Variants in GIPC2 observed in about 807,000 individuals in gnomAD.
GIPC2 encodes the protein GIPC PDZ domain containing family member 2, also known as PDZ domain-containing protein GIPC2.
In GIPC2, 30 loss-of-function variants were observed where a neutral mutation model predicts 30.6. That is an observed-to-expected ratio of 0.98 (90% CI 0.73 to 1.33). The LOEUF is 1.33. Among genes scored for constraint, GIPC2 ranks in the 40% most tolerant of loss-of-function variants. The pLI is 0.00. For missense variants in GIPC2, 414 were observed against 390.3 expected (o/e 1.06, Z -0.51); for synonymous variants, 167 against 150.0 (o/e 1.11, Z -0.83).
intron 1 of GIPC2, among the ~76,000 whole-genome samples, chr1:78,077,899 T>C (rs1661744404): frequency 6.6e-6 from 1 of 152,154 alleles, no homozygotes; most frequent in African/African-American, 2.4e-5. Context: ...TAGAAACTAG[T>C]GTATCACGGC....
intron 2 of GIPC2, among the ~76,000 whole-genome samples, chr1:78,087,302 C>G (rs936877843): frequency 6.6e-6 from 1 of 152,060 alleles, no homozygotes; most frequent in Non-Finnish European, 1.5e-5. Context: ...TAATCCTAAG[C>G]AAAAAGAACA....
At chr1:78,120,911 C>T (rs549054729) in intron 4 of GIPC2, among the ~76,000 whole-genome samples, 7 of 152,166 alleles carry the variant, frequency 4.6e-5, no homozygotes, top group Non-Finnish European at 1.0e-4. Flanking sequence ...CACACTAGGA[C>T]TCTATATCTT....
intron 2 of GIPC2, among the ~76,000 whole-genome samples, chr1:78,083,097 G>T (rs927815704): frequency 5.4e-5 from 2 of 37,056 alleles, no homozygotes; most frequent in Middle Eastern, 0.015. Context: ...AGTTCACATT[G>T]TAGTCTTATC....
At chr1:78,110,940 TTCAGATCAGC>T (rs1662454879) in intron 3 of GIPC2, among the ~76,000 whole-genome samples, 1 of 152,208 alleles carries the variant, frequency 6.6e-6, no homozygotes, top group South Asian at 2.1e-4. Flanking sequence ...ATCGCTAAGA[TTCAGATCAGC>T]TCTGGGAACA....
In GIPC2 at chr1:78,094,938, C is replaced by G; in HGVS notation, c.427-14C>G. The G allele has an allele frequency of 1.3e-6, 2 of 1,517,260 alleles. No homozygotes were observed. The highest frequency in any genetic ancestry group is 4.5e-5 in the East Asian group (2 of 44,422). The allele number at this position is 1,517,260 out of a possible 1,614,324, so 94.0% of individuals were successfully genotyped here. Reference sequence around the variant, plus strand: ...GTTCTATTTTATATTATGTTATCATCAATTTCCTTTCAGAGAATTAAAGAT... The same window carrying G: ...GTTCTATTTTATATTATGTTATCATGAATTTCCTTTCAGAGAATTAAAGAT... On this transcript the variant is annotated splice_polypyrimidine_tract_variant and intron_variant, in intron 2 of 5. Coordinates refer to ENST00000370759, the MANE Select transcript of GIPC2 (RefSeq NM_017655.6).
intron 1 of GIPC2, among the ~76,000 whole-genome samples, chr1:78,053,089 G>A (rs1004745701): frequency 2.6e-5 from 4 of 152,168 alleles, no homozygotes; most frequent in Non-Finnish European, 5.9e-5. Flanking sequence ...TGGGAATTGG[G>A]TGTGAATATT....
intron 5 of GIPC2, among the ~76,000 whole-genome samples, chr1:78,127,614 A>G (rs1662805461): frequency 6.6e-6 from 1 of 152,216 alleles, no homozygotes; most frequent in African/African-American, 2.4e-5. Flanking sequence ...ATAGGAGCTC[A>G]GTCCAAACCA....
At chr1:78,135,044 G>T (rs911102113) in intron 5 of GIPC2, among the ~76,000 whole-genome samples, 2 of 152,188 alleles carry the variant, frequency 1.3e-5, no homozygotes, top group African/African-American at 2.4e-5. Flanking sequence ...GCTCAGAAAA[G>T]GTACCTTGAT....
intron 2 of GIPC2, among the ~76,000 whole-genome samples, chr1:78,087,751 A>G (rs1661957049): frequency 6.6e-6 from 1 of 152,264 alleles, no homozygotes; most frequent in Admixed American, 6.5e-5. Context: ...AGAAGCAAAT[A>G]TTGACAAGTG....
At chr1:78,080,640 T>G in intron 1 of GIPC2, 35 bp from the exon 2 acceptor site, 2 of 1,244,380 alleles carry the variant, frequency 1.6e-6, no homozygotes, top group Non-Finnish European at 1.1e-6. Context: ...GTATTCCAAG[T>G]GGAAATGGAC....
chr1:78,121,562 C>T (rs587433), intron 4 of GIPC2, among the ~76,000 whole-genome samples: 8 of 151,854 alleles, frequency 5.3e-5, no homozygotes, highest in Admixed American at 1.3e-4. Flanking sequence ...GAGGCACCCA[C>T]GGTGTTGTCA....
chr1:78,058,449 A>G lies in GIPC2; in HGVS notation c.240+12115A>G, dbSNP rs544282620. On this transcript the variant is annotated intron_variant, in intron 1 of 5. Transcript: ENST00000370759. ...TGATTTTTTTTTAATTGAAGGATTC[A>G]CTCAGAGCGCTTATTAGGAGTTCAG... Among the ~76,000 whole-genome samples, 243 of 151,920 alleles carry G rather than the reference A, an allele frequency of 1.6e-3. 2 individuals are homozygous for G. Among genetic ancestry groups the G allele is most frequent in the Non-Finnish European group, 1.7e-3 (115 of 67,984 alleles).
intron 5 of GIPC2, among the ~76,000 whole-genome samples, chr1:78,129,042 AG>A (rs1557552616): frequency 1.1e-4 from 17 of 149,536 alleles, no homozygotes; most frequent in Admixed American, 7.9e-4. Flanking sequence ...GAAAAAAAAA[AG>A]AAGAAAATGC....
rs1371355558 is a variant in GIPC2 at position 78,046,043 on chromosome 1, G to C, written c.-52G>C. 1 of 1,399,594 alleles carries C rather than the reference G, an allele frequency of 7.1e-7. No individual in the cohort carries two copies. Among genetic ancestry groups the C allele is most frequent in the South Asian group, 1.6e-5 (1 of 62,030 alleles). 86.7% of individuals were successfully genotyped at this position (1,399,594 alleles called of 1,614,324 possible). A position where few individuals can be genotyped will look rare whatever the true frequency, so the allele number is the denominator to read the frequency against. Reference sequence around the variant, plus strand: ...GGCGCAAAGTCCGAGGCGCCGGGGGGAGGAGGCGGCGGACGGCAGCGCAGG... The same window carrying C: ...GGCGCAAAGTCCGAGGCGCCGGGGGCAGGAGGCGGCGGACGGCAGCGCAGG... On this transcript the variant is annotated 5_prime_UTR_variant, in exon 1 of 6. Coordinates refer to ENST00000370759, the MANE Select transcript of GIPC2 (RefSeq NM_017655.6).
chr1:78,081,800 C>T (rs1339241071), intron 2 of GIPC2, among the ~76,000 whole-genome samples: 1 of 152,162 alleles, frequency 6.6e-6, no homozygotes, highest in Non-Finnish European at 1.5e-5. Flanking sequence ...TACAATTTCT[C>T]ACTTAATTCT....
At chr1:78,088,855 A>G (rs1661984475) in intron 2 of GIPC2, 3 of 151,736 alleles carry the variant, frequency 2.0e-5, no homozygotes, top group Admixed American at 6.6e-5. Flanking sequence ...AAGTCAAACT[A>G]TAAAAAATAC....
chr1:78,100,612 A>T (rs1023263929), intron 3 of GIPC2, among the ~76,000 whole-genome samples: 1 of 152,106 alleles, frequency 6.6e-6, no homozygotes, highest in Non-Finnish European at 1.5e-5. Flanking sequence ...ATGAATTTGA[A>T]ATCTGTGGAA....
At chr1:78,115,273 A>G (rs915382277) in intron 3 of GIPC2, among the ~76,000 whole-genome samples, 2 of 152,186 alleles carry the variant, frequency 1.3e-5, no homozygotes, top group African/African-American at 4.8e-5. Flanking sequence ...CAGATTGGCA[A>G]TATATTATTT....
intron 3 of GIPC2, among the ~76,000 whole-genome samples, chr1:78,113,248 T>C (rs1328180839): frequency 3.3e-5 from 5 of 152,162 alleles, no homozygotes; most frequent in African/African-American, 1.2e-4. Flanking sequence ...AAATGATGGC[T>C]GTTTAAAAAT....
Sources: allele counts gnomAD v4.1 joint callset (sites outside exome capture counted in the v4.1 genomes callset), GRCh38; gene constraint gnomAD v4.1.1; transcripts MANE v1.5; gene names NCBI Gene and HGNC (gene_info 2026-07-23, HGNC 2026-07-21).